The following WWP1 variants were observed in gnomAD, a reference collection of about 807,000 sequenced individuals.
WWP1 encodes the protein WW domain containing E3 ubiquitin protein ligase 1.
In WWP1, 49 loss-of-function variants were observed where a neutral mutation model predicts 130.6. That is an observed-to-expected ratio of 0.38 (90% confidence interval 0.30 to 0.48). The LOEUF is 0.48. WWP1 is among the 20% of genes least tolerant of loss of function. The pLI is 0.99. For synonymous variants in WWP1, 332 were observed against 367.8 expected, an observed-to-expected ratio of 0.90 and a Z score of 1.11; for missense variants, 809 against 1,100.6, an observed-to-expected ratio of 0.74 and a Z score of 3.75.
chr8:86,396,995 T>TG (rs1442504136), intron 5 of WWP1, among the ~76,000 whole-genome samples: 1 of 152,190 alleles, frequency 6.6e-6, no homozygotes, highest in African/African-American at 2.4e-5. Flanking sequence ...CCCAAAGTGC[T>TG]GGGGTTACAG....
At chr8:86,362,515 G>A (rs1454994049) in intron 1 of WWP1, among the ~76,000 whole-genome samples, 3 of 151,890 alleles carry the variant, frequency 2.0e-5, no homozygotes, top group Non-Finnish European at 2.9e-5. Flanking sequence ...TAGAAGAATC[G>A]GTGACAAGCT....
intron 5 of WWP1, among the ~76,000 whole-genome samples, chr8:86,383,916 G>A (rs1426575148): frequency 6.6e-6 from 1 of 152,158 alleles, no homozygotes; most frequent in Non-Finnish European, 1.5e-5. Context: ...TGCAAGGGCT[G>A]CCATAACAAA....
chr8:86,448,452 G>T lies in WWP1; in HGVS notation c.2212G>T (p.Asp738Tyr). 1 of 1,613,604 alleles carries T rather than the reference G, an allele frequency of 6.2e-7. No homozygotes were observed. Among genetic ancestry groups the T allele is most frequent in the South Asian group, 1.1e-5 (1 of 91,054 alleles). The change falls in exon 20 of 25, where the codon GAC (aspartate) becomes TAC (tyrosine). Residue 738 changes from aspartate to tyrosine, a missense_variant. By Grantham distance (160) the Asp-to-Tyr change is radical. Around this residue, in one of 3 missense-constraint regions of WWP1, gnomAD observed 450 missense variants for 674.2 expected, o/e 0.67. Transcript: ENST00000517970. Reference sequence around the variant, plus strand: ...GATTTTGGGAAAAGTTACTTCACATGACCTGAAGTTGGGAGGTTCCAATAT... The same window carrying T: ...GATTTTGGGAAAAGTTACTTCACATTACCTGAAGTTGGGAGGTTCCAATAT... ...MEILGKVTSH[D>Y]LKLGGSNILV...
Position 86,468,313 on chromosome 8 carries a change from C to T in WWP1, c.*1420C>T. ...TTTTTCTACATATTGAGAGTGTGTTCTCCATTTTATTCAGAATTCATAGTA... is the reference window on the plus strand; with the variant it reads ...TTTTTCTACATATTGAGAGTGTGTTTTCCATTTTATTCAGAATTCATAGTA... On this transcript the variant is annotated 3_prime_UTR_variant, in exon 25 of 25. Coordinates refer to ENST00000517970, the MANE Select transcript of WWP1 (RefSeq NM_007013.4). 1 of 428,706 alleles carries T rather than the reference C, an allele frequency of 2.3e-6. No homozygotes were observed. Among genetic ancestry groups the T allele is most frequent in the South Asian group, 1.7e-5 (1 of 57,848 alleles). The allele number at this position is 428,706 out of a possible 1,614,324, so 26.6% of individuals were successfully genotyped here. A position where few individuals can be genotyped will look rare whatever the true frequency, so the allele number is the denominator to read the frequency against.
Position 86,466,939 on chromosome 8 carries a change from G to A in WWP1, c.*46G>A, listed in dbSNP as rs775198805. On this transcript the variant is annotated 3_prime_UTR_variant, in exon 25 of 25. Coordinates refer to ENST00000517970, the MANE Select transcript of WWP1 (RefSeq NM_007013.4). ...GGAGCTCTTGCATTTAAATACCCCA[G>A]CCAAGAAAAATTGCACAGATAGTGT... 9 of 1,457,732 alleles carry A rather than the reference G, an allele frequency of 6.2e-6. No individual in the cohort carries two copies. In the African/African-American group the frequency reaches 1.3e-4, roughly 21 times the overall value. The allele number at this position is 1,457,732 out of a possible 1,614,324, so 90.3% of individuals were successfully genotyped here.
At chr8:86,350,065 T>C (rs1822828834) in intron 1 of WWP1, among the ~76,000 whole-genome samples, 1 of 152,104 alleles carries the variant, frequency 6.6e-6, no homozygotes, top group Admixed American at 6.5e-5. Context: ...TACTCTTCCT[T>C]GGAGAGGTGT....
rs549465346 is a variant in WWP1, at chr8:86,425,092, A to G, written c.1062-131A>G. 15 of 594,960 alleles carry G rather than the reference A, an allele frequency of 2.5e-5. No individual in the cohort carries two copies. The South Asian group carries it at 2.7e-4, about 11-fold the overall frequency. 36.9% of individuals were successfully genotyped at this position (594,960 alleles called of 1,614,324 possible). On this transcript the variant is annotated intron_variant, in intron 9 of 24. Coordinates refer to ENST00000517970, the MANE Select transcript of WWP1 (RefSeq NM_007013.4). ...TATATATATATAATAGCCTTTATAT[A>G]TATAGCTGTGTGTGTGTATAGTCTT...
rs73688831 is a variant in WWP1 at position 86,418,108 on chromosome 8, T to A, written c.1061+6234T>A. Among the ~76,000 whole-genome samples the A allele has an allele frequency of 1.4e-3, 214 of 151,774 alleles. 1 individual carries two copies. The highest frequency in any genetic ancestry group is 4.8e-3 in the African/African-American group (199 of 41,402). The stretch of plus-strand genomic sequence containing the variant: ...CTGTATATAGTTTTTCAGTTGCTTT[T>A]AAAAAAAAACTTAGTCATATTTCCA... On this transcript the variant is annotated intron_variant, in intron 9 of 24. Transcript: ENST00000517970.
intron 5 of WWP1, among the ~76,000 whole-genome samples, chr8:86,388,929 T>A (rs907570631): frequency 2.6e-5 from 4 of 152,262 alleles, no homozygotes; most frequent in South Asian, 4.1e-4. Context: ...ATTTATGACT[T>A]TTTGAAATAA....
At chr8:86,356,657 A>G (rs571286547) in intron 1 of WWP1, among the ~76,000 whole-genome samples, 117 of 152,244 alleles carry the variant, frequency 7.7e-4, no homozygotes, top group African/African-American at 2.8e-3. Context: ...TTAAAGGTCC[A>G]TAGCTGCTTA....
intron 24 of WWP1, among the ~76,000 whole-genome samples, chr8:86,466,099 G>A (rs1812098270): frequency 1.3e-5 from 2 of 152,150 alleles, no homozygotes; most frequent in Admixed American, 6.5e-5. Flanking sequence ...CTGAACACCC[G>A]AATCCTAATC....
chr8:86,435,642 C>G lies in WWP1; in HGVS notation c.1687C>G (p.Leu563Val), dbSNP rs1480623820. The change falls in exon 16 of 25, where the codon CTA becomes GTA. Residue 563 changes from leucine to valine, a missense_variant. Physicochemically the swap from Leu to Val is conservative, Grantham distance 32. Around this residue, in one of 3 missense-constraint regions of WWP1, gnomAD observed 450 missense variants for 674.2 expected, o/e 0.67. Coordinates refer to ENST00000517970, the MANE Select transcript of WWP1 (RefSeq NM_007013.4). ...HFRYLCQSNA[L>V]PSHVKINVSR... ...TTATTTTTGTTTTTAGTCTAATGCACTACCTAGTCATGTAAAGATCAATGT... is the reference window on the plus strand; with the variant it reads ...TTATTTTTGTTTTTAGTCTAATGCAGTACCTAGTCATGTAAAGATCAATGT... 6.2e-7 allele frequency: 1 copy of G among 1,613,096 alleles called. No individual in the cohort carries two copies. The highest frequency in any genetic ancestry group is 1.1e-5 in the South Asian group (1 of 90,938).
intron 2 of WWP1, among the ~76,000 whole-genome samples, chr8:86,372,478 C>G (rs765890322): frequency 3.9e-5 from 6 of 152,178 alleles, no homozygotes; most frequent in Non-Finnish European, 7.4e-5. Flanking sequence ...TAGTATGCCC[C>G]TGTCTCTTAA....
At chr8:86,435,380 C>A in intron 14 of WWP1, 72 bp from the exon 15 acceptor site, 1 of 1,499,082 alleles carries the variant, frequency 6.7e-7, no homozygotes, top group South Asian at 1.2e-5. Flanking sequence ...TTAGTACACT[C>A]TGATTTTATA....
chr8:86,413,889 A>G (rs1181877003), intron 9 of WWP1, among the ~76,000 whole-genome samples: 1 of 152,172 alleles, frequency 6.6e-6, no homozygotes, highest in Non-Finnish European at 1.5e-5. Flanking sequence ...TTGCAGTGGT[A>G]TAGACAGCTG....
At chr8:86,420,225 A>G (rs1405149234) in intron 9 of WWP1, among the ~76,000 whole-genome samples, 1 of 152,202 alleles carries the variant, frequency 6.6e-6, no homozygotes, top group Non-Finnish European at 1.5e-5. Flanking sequence ...ACTCTAGACT[A>G]GAAGCTAATC....
At chr8:86,410,719 T>C (rs200237769) in intron 8 of WWP1, among the ~76,000 whole-genome samples, 5 of 151,492 alleles carry the variant, frequency 3.3e-5, no homozygotes, top group African/African-American at 1.2e-4. Context: ...TTTTTTTTTT[T>C]CTGTATCTGG....
chr8:86,385,004 A>G (rs1409041443), intron 5 of WWP1, among the ~76,000 whole-genome samples: 2 of 145,904 alleles, frequency 1.4e-5, no homozygotes, highest in Admixed American at 1.4e-4. Flanking sequence ...AGTCTGGGTG[A>G]CAGAGTAAGA....
chr8:86,448,873 T>C (rs1811026378), intron 20 of WWP1, among the ~76,000 whole-genome samples: 1 of 152,194 alleles, frequency 6.6e-6, no homozygotes, highest in South Asian at 2.1e-4. Context: ...TTTCACTCTG[T>C]CGCTCAGGCC....
Sources: gnomAD v4.1 joint callset for allele counts (sites outside exome capture counted in the v4.1 genomes callset) on GRCh38, gnomAD v4.1.1 for gene constraint, gnomAD v4.1.1 regional missense constraint, MANE v1.5 for transcripts, NCBI Gene and HGNC (gene_info 2026-07-23, HGNC 2026-07-21) for gene names.